The following HMGCS1 variants were observed in gnomAD, a reference collection of about 807,000 sequenced individuals.
The protein encoded by HMGCS1 is hydroxymethylglutaryl-CoA synthase, cytoplasmic.
In HMGCS1, 9 loss-of-function variants were observed where a neutral mutation model predicts 52.3. The ratio of observed to expected loss-of-function variants is 0.17; its 90% CI spans 0.10 to 0.30. The LOEUF (loss-of-function observed/expected upper bound fraction) is 0.30, where lower values mean the gene tolerates loss of function less well. Among genes scored for constraint, HMGCS1 ranks in the 10% least tolerant of loss-of-function variants. The pLI is 1.00. For synonymous variants in HMGCS1, 176 were observed against 214.4 expected (o/e 0.82, Z 1.57); for missense variants, 320 against 620.9 (o/e 0.52, Z 5.15).
chr5:43,306,603 G>A (rs183232082), intron 2 of HMGCS1, among the ~76,000 whole-genome samples: 81 of 152,296 alleles, frequency 5.3e-4, no homozygotes, highest in Middle Eastern at 3.4e-3. Context: ...GAACATTTTG[G>A]ATTTTGGATT....
Position 43,299,102 on chromosome 5 carries a change from T to C in HMGCS1, c.-10-127A>G, listed in dbSNP as rs933104757. ...GAAGTATTAGTTTCTTTAAGTTTAG[T>C]ATTTAGGGCACTCAATTGTGTACAT... is the stretch of plus-strand genomic sequence containing the variant. On this transcript the variant is annotated intron_variant, in intron 2 of 10. Transcript: ENST00000325110. 23 of 645,548 alleles carry C rather than the reference T, an allele frequency of 3.6e-5. No individual in the cohort carries two copies. In the East Asian group the frequency reaches 6.3e-4, roughly 18 times the overall value. 40.0% of individuals were successfully genotyped at this position (645,548 alleles called of 1,614,324 possible).
At chr5:43,295,145 A>C (rs1181353685) in intron 6 of HMGCS1, among the ~76,000 whole-genome samples, 2 of 152,244 alleles carry the variant, frequency 1.3e-5, no homozygotes, top group African/African-American at 4.8e-5. Context: ...GGCTTCAATG[A>C]ATAGAATATT....
At chr5:43,301,376 T>A (rs1475236781) in intron 2 of HMGCS1, among the ~76,000 whole-genome samples, 2 of 152,310 alleles carry the variant, frequency 1.3e-5, no homozygotes, top group African/African-American at 4.8e-5. Context: ...TAAGAAGCCA[T>A]CGGAGAGTTT....
At chr5:43,309,733 A>T (rs2111748089) in intron 1 of HMGCS1, among the ~76,000 whole-genome samples, 1 of 152,350 alleles carries the variant, frequency 6.6e-6, no homozygotes, top group African/African-American at 2.4e-5. Flanking sequence ...TTTTCAGAGT[A>T]AGTGACAGAG....
chr5:43,297,943 CT>C, intron 4 of HMGCS1, 65 bp downstream of exon 4: 1 of 1,489,960 alleles, frequency 6.7e-7, no homozygotes, highest in Non-Finnish European at 9.2e-7. Flanking sequence ...ACAGCTCCTA[CT>C]TCTATTTTCA....
At chr5:43,300,445 G>A (rs548278284) in intron 2 of HMGCS1, among the ~76,000 whole-genome samples, 1 of 152,226 alleles carries the variant, frequency 6.6e-6, no homozygotes, top group East Asian at 1.9e-4. Context: ...ACTTAAAAAT[G>A]AAAGTCAAAT....
At chr5:43,291,987 C>CTTTTTTTTTTTTTTTTTT (rs537398917) in intron 10 of HMGCS1, among the ~76,000 whole-genome samples, 1 of 83,114 alleles carries the variant, frequency 1.2e-5, no homozygotes, top group Non-Finnish European at 2.1e-5. Context: ...ACTGTATATT[C>CTTTTTTTTTTTTTTTTTT]TTTTTTTTTT....
intron 2 of HMGCS1, among the ~76,000 whole-genome samples, chr5:43,302,085 C>T (rs937985051): frequency 3.3e-5 from 5 of 152,310 alleles, no homozygotes; most frequent in East Asian, 1.9e-4. Context: ...AAGCTGCTTT[C>T]GTTCCTGTCA....
chr5:43,291,902 A>G (rs1337508365), intron 10 of HMGCS1, among the ~76,000 whole-genome samples: 1 of 152,008 alleles, frequency 6.6e-6, no homozygotes, highest in East Asian at 1.9e-4. Flanking sequence ...TCACAAAGAC[A>G]CACACCACAA....
intron 1 of HMGCS1, among the ~76,000 whole-genome samples, chr5:43,310,124 G>A (rs1171924069): frequency 3.9e-5 from 6 of 152,212 alleles, no homozygotes; most frequent in Admixed American, 3.3e-4. Context: ...CTCCTTAGGA[G>A]CAAGCAAGTA....
intron 2 of HMGCS1, among the ~76,000 whole-genome samples, chr5:43,300,802 GAAAA>G (rs34564699): frequency 7.5e-5 from 9 of 120,416 alleles, no homozygotes; most frequent in Admixed American, 8.8e-5. Flanking sequence ...ATAGAGAAAG[GAAAA>G]AAAAAAAAAA....
intron 1 of HMGCS1, among the ~76,000 whole-genome samples, chr5:43,311,030 A>G (rs1024069777): frequency 6.6e-6 from 1 of 152,364 alleles, no homozygotes; most frequent in Admixed American, 6.5e-5. Context: ...GAAGAGATTA[A>G]GAGTCTAGTT....
At chr5:43,291,254 T>C in intron 10 of HMGCS1, 34 bp from the exon 11 acceptor site, 1 of 1,279,390 alleles carries the variant, frequency 7.8e-7, no homozygotes, top group East Asian at 2.3e-5. Flanking sequence ...ATGGCTCTTA[T>C]GATTCTTTCC....
At chr5:43,306,272 T>A (rs71627597) in intron 2 of HMGCS1, among the ~76,000 whole-genome samples, 1,809 of 152,108 alleles carry the variant, frequency 0.012, 34 homozygotes, top group East Asian at 0.081. Flanking sequence ...ATTCTGAGAA[T>A]AAATCTGGAA....
intron 2 of HMGCS1, among the ~76,000 whole-genome samples, chr5:43,300,371 C>T (rs1754251954): frequency 1.3e-5 from 2 of 152,272 alleles, no homozygotes; most frequent in Non-Finnish European, 2.9e-5. Flanking sequence ...TTATGAGTTA[C>T]CTGGGCCGAA....
intron 10 of HMGCS1, among the ~76,000 whole-genome samples, chr5:43,291,425 T>C (rs1213621388): frequency 6.6e-6 from 1 of 152,086 alleles, no homozygotes; most frequent in African/African-American, 2.4e-5. Flanking sequence ...CAATTATCCA[T>C]ATGGGGGGGA....
rs1753700845 is a variant in HMGCS1, at chr5:43,290,603, A to G, written c.*528T>C. On this transcript the variant is annotated 3_prime_UTR_variant, in exon 11 of 11. Coordinates refer to ENST00000325110, the MANE Select transcript of HMGCS1 (RefSeq NM_001098272.3). ...AGAAAAAGGGCATGTTTGTTTTGCTATTTTCAAAGGGTTTGTGCGTATCAC... is the reference window on the plus strand; with the variant it reads ...AGAAAAAGGGCATGTTTGTTTTGCTGTTTTCAAAGGGTTTGTGCGTATCAC... The G allele has an allele frequency of 6.6e-6, 1 of 152,132 alleles. No homozygotes were observed. The highest frequency in any genetic ancestry group is 2.4e-5 in the African/African-American group (1 of 41,428). 9.4% of individuals were successfully genotyped at this position (152,132 alleles called of 1,614,324 possible).
At chr5:43,303,914 T>G (rs1754440112) in intron 2 of HMGCS1, among the ~76,000 whole-genome samples, 1 of 152,224 alleles carries the variant, frequency 6.6e-6, no homozygotes, top group Admixed American at 6.5e-5. Flanking sequence ...CTTTCCTGTG[T>G]CTACAACTCA....
intron 2 of HMGCS1, among the ~76,000 whole-genome samples, chr5:43,303,531 T>C (rs1754421359): frequency 6.6e-6 from 1 of 152,220 alleles, no homozygotes; most frequent in African/African-American, 2.4e-5. Context: ...TACTCTATGG[T>C]ATTTTGCTGT....
Sources: gnomAD v4.1 joint callset for allele counts (sites outside exome capture counted in the v4.1 genomes callset) on GRCh38, gnomAD v4.1.1 for gene constraint, MANE v1.5 for transcripts, NCBI Gene and HGNC (gene_info 2026-07-23, HGNC 2026-07-21) for gene names.